COPB2: variants seen among roughly 807,000 people sequenced by gnomAD.
The protein encoded by COPB2 is coat protein complex I subunit beta 2, also known as coatomer subunit beta'.
In COPB2, 16 loss-of-function variants were observed where a neutral mutation model predicts 120.8. The observed-to-expected ratio is 0.13, with a 90% confidence interval of 0.09 to 0.20. The LOEUF (loss-of-function observed/expected upper bound fraction) is 0.20, where lower values mean the gene tolerates loss of function less well. Among genes scored for constraint, COPB2 ranks in the 10% least tolerant of loss-of-function variants. The pLI is 1.00. For synonymous variants in COPB2, 332 were observed against 366.3 expected (o/e 0.91, Z 1.07); for missense variants, 794 against 1,076.5 (o/e 0.74, Z 3.67).
chr3:139,358,767 G>T lies in COPB2; in HGVS notation c.2530C>A (p.Pro844Thr). ...NVMEEGKDFQPSRSTAQQELD... is the reference protein window; with the variant it reads ...NVMEEGKDFQTSRSTAQQELD... Reference sequence around the variant, plus strand: ...ACCTGTTGAGCTGTAGATCTTGAGGGCTGAAAGTCTTTTCCCTCTTCCATG... The same window carrying T: ...ACCTGTTGAGCTGTAGATCTTGAGGTCTGAAAGTCTTTTCCCTCTTCCATG... The change falls in exon 20 of 22, where the codon CCC becomes ACC. Residue 844 changes from proline (P) to threonine (T), a missense_variant. Transcript: ENST00000333188. The T allele has an allele frequency of 6.2e-7, 1 of 1,612,900 alleles. No individual in the cohort carries two copies. Among genetic ancestry groups the T allele is most frequent in the Non-Finnish European group, 8.5e-7 (1 of 1,179,052 alleles).
In COPB2 at chr3:139,359,257, TAA is replaced by T. The variant is rs769576419; in HGVS notation, c.2303+11_2303+12del. 7 of 1,613,018 alleles carry T rather than the reference TAA, an allele frequency of 4.3e-6. No homozygotes were observed. The African/African-American group carries it at 6.7e-5, about 15-fold the overall frequency. On this transcript the variant is annotated intron_variant, in intron 18 of 21. Coordinates refer to ENST00000333188, the MANE Select transcript of COPB2 (RefSeq NM_004766.3). Reference sequence around the variant, plus strand: ...TATTGGAAACATTTCTTCCTAAAATTAAAAGTCTGTACCTTGAAACCTGACTG... The same window carrying T: ...TATTGGAAACATTTCTTCCTAAAATTAAGTCTGTACCTTGAAACCTGACTG...
chr3:139,389,481 T>A, intron 1 of COPB2, 67 bp downstream of exon 1: 8 of 1,500,532 alleles, frequency 5.3e-6, no homozygotes, highest in Non-Finnish European at 7.2e-6. Context: ...CGGCCCTCAG[T>A]CCAGAAGCTC....
At chr3:139,367,347 C>T (rs1462895733) in intron 13 of COPB2, among the ~76,000 whole-genome samples, 1 of 149,748 alleles carries the variant, frequency 6.7e-6, no homozygotes. Context: ...AGTACAGTGG[C>T]GTAACCTCTG....
At position 139,358,833 on chromosome 3, in the gene COPB2, GATGAA is replaced by G. The variant is rs779047149; in HGVS notation, c.2485-26_2485-22del. ...TTTGGCTATCAGAGAATAAAGCAAT[GATGAA>G]ATGAGATATTCTGAAATCATAATTT... On this transcript the variant is annotated intron_variant, in intron 19 of 21. Transcript: ENST00000333188. 307 of 1,571,932 alleles carry G rather than the reference GATGAA, an allele frequency of 2.0e-4. 1 individual carries two copies. In the African/African-American group the frequency reaches 3.0e-3, roughly 15 times the overall value.
intron 5 of COPB2, among the ~76,000 whole-genome samples, chr3:139,375,839 T>A (rs569497792): frequency 2.6e-5 from 4 of 152,352 alleles, no homozygotes; most frequent in African/African-American, 7.2e-5. Flanking sequence ...ATTTCCAGGC[T>A]TTATCTCTAG....
intron 9 of COPB2, among the ~76,000 whole-genome samples, chr3:139,372,321 TAC>T (rs1941636921): frequency 6.6e-6 from 1 of 152,186 alleles, no homozygotes; most frequent in Non-Finnish European, 1.5e-5. Flanking sequence ...TTCAGCAAAA[TAC>T]AGAGGATATT....
chr3:139,358,347 G>A (rs1941334045), intron 20 of COPB2, 76 bp from the exon 21 acceptor site: 9 of 1,317,446 alleles, frequency 6.8e-6, no homozygotes, highest in Non-Finnish European at 1.1e-6. Context: ...CCAAGAAAAG[G>A]ATGATCAGAA....
At chr3:139,377,250 G>C (rs1358584685) in intron 5 of COPB2, among the ~76,000 whole-genome samples, 1 of 118,280 alleles carries the variant, frequency 8.5e-6, no homozygotes, top group African/African-American at 2.5e-5. Flanking sequence ...AATTCAATCT[G>C]AGAAAGGCTG....
chr3:139,366,727 C>G lies in COPB2; in HGVS notation c.1725G>C (p.Leu575=). 6.2e-7 allele frequency: 1 copy of G among 1,613,946 alleles called. No individual in the cohort carries two copies. The highest frequency in any genetic ancestry group is 8.5e-7 in the Non-Finnish European group (1 of 1,179,958). ...GYIPKDNRLY[L]GDKELNIISY... is the part of the protein sequence containing the mutation. ...TAATGATGTTCAATTCTTTATCCCCCAGATAAAGCCTGTTGTCTTTAGGAA... is the reference window on the plus strand; with the variant it reads ...TAATGATGTTCAATTCTTTATCCCCGAGATAAAGCCTGTTGTCTTTAGGAA... The change falls in exon 15 of 22, where the codon CTG becomes CTC. Residue 575 remains leucine, a synonymous_variant. Coordinates refer to ENST00000333188, the MANE Select transcript of COPB2 (RefSeq NM_004766.3).
intron 1 of COPB2, among the ~76,000 whole-genome samples, chr3:139,388,536 T>A (rs535010413): frequency 1.6e-4 from 25 of 151,940 alleles, no homozygotes; most frequent in African/African-American, 5.3e-4. Flanking sequence ...TGTAGAAACA[T>A]AATTTAAAAA....
chr3:139,359,170 T>G lies in COPB2; in HGVS notation c.2312A>C (p.Lys771Thr). Residue 771 changes from lysine (K) to threonine (T), a missense_variant, in exon 19 of 22, where the codon AAA becomes ACA. This residue lies in a region of COPB2 where 178 missense variants were observed against 183.2 expected (regional missense o/e 0.97). Transcript: ENST00000333188. ...YLPSQVSRVV[K>T]LWRENLSKVN... ...TTTTGAGAGATTCTCTCTCCAGAGTTTCACTACCCTATTATAGACATCATG... is the reference window on the plus strand; with the variant it reads ...TTTTGAGAGATTCTCTCTCCAGAGTGTCACTACCCTATTATAGACATCATG... The G allele has an allele frequency of 1.2e-6, 2 of 1,613,318 alleles. No individual in the cohort carries two copies. Among genetic ancestry groups the G allele is most frequent in the Non-Finnish European group, 1.7e-6 (2 of 1,179,790 alleles).
At position 139,380,479 on chromosome 3, in the gene COPB2, A is replaced by G. The variant is rs143954540; in HGVS notation, c.142-1013T>C. On this transcript the variant is annotated intron_variant, in intron 2 of 21. Coordinates refer to ENST00000333188, the MANE Select transcript of COPB2 (RefSeq NM_004766.3). ...AGCTGCTCAGAATGGAATTATACACATAGGATAAAGGTAGAGACCCTCCTA... is the reference window on the plus strand; with the variant it reads ...AGCTGCTCAGAATGGAATTATACACGTAGGATAAAGGTAGAGACCCTCCTA... 9.8e-5 allele frequency: 15 copies of G among 152,324 alleles called. No individual in the cohort carries two copies. In the East Asian group the frequency reaches 2.5e-3, roughly 25 times the overall value. 9.4% of individuals were successfully genotyped at this position (152,324 alleles called of 1,614,324 possible). A position where few individuals can be genotyped will look rare whatever the true frequency, so the allele number is the denominator to read the frequency against.
intron 12 of COPB2, 131 bp from the exon 13 acceptor site, chr3:139,368,419 G>T: frequency 1.0e-6 from 1 of 989,014 alleles, no homozygotes; most frequent in Non-Finnish European, 1.4e-6. Flanking sequence ...ACAATTTTAT[G>T]TGGCATTATT....
intron 13 of COPB2, 75 bp downstream of exon 13, chr3:139,368,070 T>A (rs1187390025): frequency 6.8e-7 from 1 of 1,459,944 alleles, no homozygotes; most frequent in Non-Finnish European, 9.1e-7. Context: ...AATGTTAAAA[T>A]CAGTAAAGTC....
intron 7 of COPB2, 103 bp downstream of exon 7, chr3:139,374,386 C>G (rs1429667802): frequency 1.1e-6 from 1 of 943,454 alleles, no homozygotes; most frequent in Non-Finnish European, 1.7e-6. Flanking sequence ...ATAAAAATAT[C>G]AAAATCCTTG....
intron 15 of COPB2, 24 bp from the exon 16 acceptor site, chr3:139,362,541 A>G: frequency 6.7e-7 from 1 of 1,492,882 alleles, no homozygotes; most frequent in South Asian, 1.2e-5. Flanking sequence ...TAAAAATTAT[A>G]TATATTTATG....
intron 16 of COPB2, 50 bp from the exon 17 acceptor site, chr3:139,361,345 A>G: frequency 2.6e-6 from 4 of 1,525,640 alleles, no homozygotes; most frequent in Non-Finnish European, 3.6e-6. Flanking sequence ...ATAAGCATTT[A>G]CATTTCCAAC....
At chr3:139,381,109 T>A (rs1398449455) in intron 2 of COPB2, 1 of 152,250 alleles carries the variant, frequency 6.6e-6, no homozygotes, top group Non-Finnish European at 1.5e-5. Context: ...TTTTATTTTA[T>A]CTTTTTGACA....
Position 139,378,246 on chromosome 3 carries a change from A to T in COPB2, c.356-57T>A, listed in dbSNP as rs926664194. 26 of 1,462,198 alleles carry T rather than the reference A, an allele frequency of 1.8e-5. No homozygotes were observed. The African/African-American group carries it at 3.0e-4, about 17-fold the overall frequency. The allele number at this position is 1,462,198 out of a possible 1,614,324, so 90.6% of individuals were successfully genotyped here. A position where few individuals can be genotyped will look rare whatever the true frequency, so the allele number is the denominator to read the frequency against. ...AATTCTATTTTTTCACTTCATAACT[A>T]AGACACAGTCTTTAGAAGAAGCAAA... On this transcript the variant is annotated intron_variant, in intron 4 of 21. Transcript: ENST00000333188.
Sources: gnomAD v4.1 joint callset for allele counts (sites outside exome capture counted in the v4.1 genomes callset) on GRCh38, gnomAD v4.1.1 for gene constraint, gnomAD v4.1.1 regional missense constraint, MANE v1.5 for transcripts, NCBI Gene and HGNC (gene_info 2026-07-23, HGNC 2026-07-21) for gene names.